Variants in APBB1IP observed in about 807,000 individuals in gnomAD.
APBB1IP encodes amyloid beta A4 precursor protein-binding family B member 1-interacting protein.
Under a neutral mutation model 64.9 loss-of-function variants are expected in APBB1IP, and 27 were observed. That is an observed-to-expected ratio of 0.42 (90% CI 0.31 to 0.57). The LOEUF (loss-of-function observed/expected upper bound fraction) is 0.57. Among genes scored for constraint, APBB1IP ranks in the 20% least tolerant of loss-of-function variants. The probability of loss-of-function intolerance (pLI) is 0.20; values close to 1 mark genes in which losing one functional copy is unlikely to be tolerated. For synonymous variants in APBB1IP, 392 were observed against 331.0 expected (o/e 1.18, Z -2.00); for missense variants, 812 against 845.5 (o/e 0.96, Z 0.49).
chr10:26,463,173 C>T (rs909021418), intron 2 of APBB1IP, among the ~76,000 whole-genome samples: 4 of 152,162 alleles, frequency 2.6e-5, no homozygotes, highest in Non-Finnish European at 5.9e-5. Flanking sequence ...CGTGGTGGCT[C>T]ACACCTGAAA....
chr10:26,486,585 T>A (rs189250852), intron 2 of APBB1IP, among the ~76,000 whole-genome samples: 25 of 152,254 alleles, frequency 1.6e-4, no homozygotes. Context: ...GGCAAGCTAC[T>A]CTGACCGATG....
chr10:26,446,809 A>G (rs763085822), intron 2 of APBB1IP, among the ~76,000 whole-genome samples: 5 of 151,910 alleles, frequency 3.3e-5, no homozygotes, highest in Non-Finnish European at 4.4e-5. Flanking sequence ...GCAGTGAACT[A>G]TGATCACGCC....
chr10:26,467,187 T>A (rs1337569487), intron 2 of APBB1IP, among the ~76,000 whole-genome samples: 1 of 152,170 alleles, frequency 6.6e-6, no homozygotes, highest in Non-Finnish European at 1.5e-5. Context: ...ATTACAGGCG[T>A]GAGCCACCGT....
At chr10:26,534,495 A>C (rs997916894) in intron 9 of APBB1IP, among the ~76,000 whole-genome samples, 2 of 151,874 alleles carry the variant, frequency 1.3e-5, no homozygotes, top group Non-Finnish European at 2.9e-5. Flanking sequence ...AAATCAGAAG[A>C]CCTGGTGATG....
At chr10:26,540,489 T>C (rs1487908953) in intron 10 of APBB1IP, among the ~76,000 whole-genome samples, 1 of 151,968 alleles carries the variant, frequency 6.6e-6, no homozygotes, top group Non-Finnish European at 1.5e-5. Context: ...GAGGAAGATG[T>C]GCATTTTATT....
At chr10:26,532,335 C>A (rs1466051747) in intron 8 of APBB1IP, among the ~76,000 whole-genome samples, 1 of 152,062 alleles carries the variant, frequency 6.6e-6, no homozygotes, top group Non-Finnish European at 1.5e-5. Context: ...TAAAATTAGT[C>A]CTTGAGTGCT....
chr10:26,567,609 TGATGTGCTCAA>T lies in APBB1IP; in HGVS notation c.*123_*133del. 1 of 1,442,268 alleles carries T rather than the reference TGATGTGCTCAA, an allele frequency of 6.9e-7. No homozygotes were observed. 89.3% of individuals were successfully genotyped at this position (1,442,268 alleles called of 1,614,324 possible). ...TAAAATGTGATGGGAAACTTCTCAC[TGATGTGCTCAA>T]GTACAGGCATAACCATTAACCCAGT... On this transcript the variant is annotated 3_prime_UTR_variant, in exon 15 of 15. Transcript: ENST00000376236.
chr10:26,552,490 T>A (rs955849357), intron 11 of APBB1IP, among the ~76,000 whole-genome samples: 1 of 151,966 alleles, frequency 6.6e-6, no homozygotes, highest in African/African-American at 2.4e-5. Flanking sequence ...TCCCAGCTAC[T>A]CAGGAGGCTG....
intron 8 of APBB1IP, among the ~76,000 whole-genome samples, chr10:26,529,937 G>A (rs1377513008): frequency 1.3e-5 from 2 of 152,152 alleles, no homozygotes; most frequent in Admixed American, 1.3e-4. Flanking sequence ...CACCGCACCC[G>A]GGTTTGGAGT....
At chr10:26,542,832 C>T (rs1471923064) in intron 11 of APBB1IP, among the ~76,000 whole-genome samples, 2 of 151,436 alleles carry the variant, frequency 1.3e-5, no homozygotes, top group African/African-American at 4.9e-5. Flanking sequence ...ATAAAAACCA[C>T]TATACTAGCT....
At position 26,445,569 on chromosome 10, in the gene APBB1IP, C is replaced by T. The variant is rs114008865; in HGVS notation, c.-1+6716C>T. On this transcript the variant is annotated intron_variant, in intron 2 of 14. Coordinates refer to ENST00000376236, the MANE Select transcript of APBB1IP (RefSeq NM_019043.4). ...TATGCCTGGCCACGTAAATTCTTAACCCATGATGTAGACTTTATGCAATAC... is the reference window on the plus strand; with the variant it reads ...TATGCCTGGCCACGTAAATTCTTAATCCATGATGTAGACTTTATGCAATAC... Among the ~76,000 whole-genome samples the T allele has an allele frequency of 6.1e-3, 926 of 152,288 alleles. 11 individuals are homozygous for T. Among genetic ancestry groups the T allele is most frequent in the African/African-American group, 0.021 (863 of 41,550 alleles).
At chr10:26,442,052 G>T (rs576174870) in intron 2 of APBB1IP, among the ~76,000 whole-genome samples, 2 of 152,096 alleles carry the variant, frequency 1.3e-5, no homozygotes, top group African/African-American at 4.8e-5. Flanking sequence ...AAAACCTGGG[G>T]CCTTTCCACA....
intron 2 of APBB1IP, among the ~76,000 whole-genome samples, chr10:26,469,536 C>T (rs563809313): frequency 2.0e-5 from 3 of 152,256 alleles, no homozygotes; most frequent in Admixed American, 2.0e-4. Flanking sequence ...AGGCGTGAAC[C>T]ACCGCACCTG....
intron 2 of APBB1IP, among the ~76,000 whole-genome samples, chr10:26,474,502 C>G (rs1196203460): frequency 6.6e-6 from 1 of 152,200 alleles, no homozygotes. Flanking sequence ...TGAATGTTCT[C>G]TCCACAAAAA....
chr10:26,541,588 C>T lies in APBB1IP; in HGVS notation c.1051C>T (p.Arg351Ter), dbSNP rs1173507704. 2 of 1,607,542 alleles carry T rather than the reference C, an allele frequency of 1.2e-6. No homozygotes were observed. The highest frequency in any genetic ancestry group is 1.7e-6 in the Non-Finnish European group (2 of 1,176,794). The stretch of plus-strand genomic sequence containing the variant: ...TTTTTTCCCTGTCTTTCAGACATCT[C>T]GAGATCTGGCGTGTTTTATACAGTT... The part of the protein sequence containing the change: ...YVPKGKTKTS[R>*]DLACFIQFEN... Residue 351 changes from arginine (R) to a stop codon, truncating the protein, a stop_gained, in exon 11 of 15, where the codon CGA becomes TGA. Transcript: ENST00000376236. LOFTEE classifies it high-confidence loss of function.
rs1346186156 is a variant in APBB1IP, at chr10:26,501,035, A to G, written c.377A>G (p.Asp126Gly). 1 of 1,614,054 alleles carries G rather than the reference A, an allele frequency of 6.2e-7. No homozygotes were observed. The highest frequency in any genetic ancestry group is 8.5e-7 in the Non-Finnish European group (1 of 1,180,028). The change falls in exon 5 of 15, where the codon GAT (aspartate) becomes GGT (glycine). Residue 126 changes from aspartate (D) to glycine (G), a missense_variant. Physicochemically the swap from Asp to Gly is moderately conservative, Grantham distance 94. This residue lies in a region of APBB1IP where 394 missense variants were observed against 413.1 expected (regional missense o/e 0.95). Transcript: ENST00000376236. ...GCCACTGGTATCAGCCAATATGAGG[A>G]TGACTTACCACCTCCACCAGCCGAT... is the stretch of plus-strand genomic sequence containing the variant. Reference protein sequence around the residue: ...VAATGISQYEDDLPPPPADPV... With the variant: ...VAATGISQYEGDLPPPPADPV...
intron 2 of APBB1IP, among the ~76,000 whole-genome samples, chr10:26,473,683 A>AT (rs1192961929): frequency 1.3e-5 from 2 of 152,162 alleles, no homozygotes; most frequent in African/African-American, 4.8e-5. Context: ...AACCATCATG[A>AT]TTTCAGAAGC....
chr10:26,485,342 G>A (rs536032328), intron 2 of APBB1IP, among the ~76,000 whole-genome samples: 2 of 152,180 alleles, frequency 1.3e-5, no homozygotes, highest in Non-Finnish European at 2.9e-5. Context: ...CACACCAGGA[G>A]CCATGTAGAA....
intron 10 of APBB1IP, among the ~76,000 whole-genome samples, chr10:26,538,374 G>T (rs1040355024): frequency 6.6e-6 from 1 of 150,724 alleles, no homozygotes; most frequent in African/African-American, 2.4e-5. Context: ...CAGGTGCGGT[G>T]GCTCATGCCT....
Sources: allele counts gnomAD v4.1 joint callset (sites outside exome capture counted in the v4.1 genomes callset), GRCh38; gene constraint gnomAD v4.1.1; regional missense constraint gnomAD v4.1.1; transcripts MANE v1.5; gene names NCBI Gene and HGNC (gene_info 2026-07-23, HGNC 2026-07-21).